The following PER2 variants were observed in gnomAD, a reference collection of about 807,000 sequenced individuals.
The protein encoded by PER2 is period circadian protein homolog 2.
Under a neutral mutation model 121.0 loss-of-function variants are expected in PER2, and 66 were observed. The observed-to-expected ratio is 0.55, with a 90% confidence interval of 0.45 to 0.67. The LOEUF (loss-of-function observed/expected upper bound fraction) is 0.67, where lower values mean the gene tolerates loss of function less well. Ranked by LOEUF, PER2 falls within the 30% of genes least tolerant of loss-of-function variation. The pLI, the probability that PER2 is intolerant of heterozygous loss-of-function variation, is 0.00. For missense variants in PER2, 1,521 were observed against 1,635.0 expected (o/e 0.93, Z 1.20); for synonymous variants, 684 against 659.9 (o/e 1.04, Z -0.56).
the PER2 span, chr2:238,295,266 T>TCTTCTTCTTCTCCTTCTTC: frequency 4.8e-5 from 7 of 145,242 alleles, no homozygotes; most frequent in African/African-American, 1.7e-4. Context: ...TCTCCTTCTT[T>TCTTCTTCTTCTCCTTCTTC]CTTCTTCTTC....
chr2:238,250,702 T>C lies in PER2; in HGVS notation c.3316A>G (p.Ile1106Val). The change falls in exon 21 of 23, where the codon ATT becomes GTT. Residue 1106 changes from isoleucine (I) to valine (V), a missense_variant. By Grantham distance (29) the Ile-to-Val change is conservative (BLOSUM62 3). Transcript: ENST00000254657. ...TSHTSKYFGS[I>V]DSSENNHKAK... ...TTGTGATTATTCTCTGAGGAGTCAA[T>C]GCTTCCAAAATATTTGCTGGTATGA... is the stretch of plus-strand genomic sequence containing the variant. 6.2e-7 allele frequency: 1 copy of C among 1,614,054 alleles called. No individual in the cohort carries two copies. Among genetic ancestry groups the C allele is most frequent in the Non-Finnish European group, 8.5e-7 (1 of 1,179,866 alleles).
At chr2:238,272,662 T>C (rs1461600767) in intron 5 of PER2, among the ~76,000 whole-genome samples, 1 of 152,222 alleles carries the variant, frequency 6.6e-6, no homozygotes, top group African/African-American at 2.4e-5. Flanking sequence ...CACCTTTGGG[T>C]GTGCTTAAGA....
chr2:238,290,242 C>G (rs1696925412), upstream of PER2: 1 of 152,284 alleles, frequency 6.6e-6, no homozygotes, highest in South Asian at 2.1e-4. Context: ...AGTCAGGTGG[C>G]CCCTCCTCCT....
At chr2:238,264,620 AT>A (rs933518403) in intron 9 of PER2, among the ~76,000 whole-genome samples, 3 of 151,848 alleles carry the variant, frequency 2.0e-5, no homozygotes, top group Admixed American at 6.6e-5. Context: ...TGGCCCACAC[AT>A]TTTTTTTCTT....
At chr2:238,259,340 C>T (rs565414500) in intron 14 of PER2, among the ~76,000 whole-genome samples, 1 of 152,344 alleles carries the variant, frequency 6.6e-6, no homozygotes, top group Admixed American at 6.5e-5. Flanking sequence ...GCACACGTGT[C>T]TGTGTGCATG....
rs759690834 is a variant in PER2, at chr2:238,258,616, C to A, written c.1656G>T (p.Lys552Asn). The A allele has an allele frequency of 3.1e-6, 5 of 1,613,998 alleles. No individual in the cohort carries two copies. The African/African-American group carries it at 6.7e-5, about 22-fold the overall frequency. Residue 552 changes from lysine (K) to asparagine (N), a missense_variant, in exon 15 of 23, where the codon AAG (lysine) becomes AAT (asparagine). Physicochemically the swap from Lys to Asn is moderately conservative, Grantham distance 94. Transcript: ENST00000254657. ...TEMQTNPPAE[K>N]KAVPAMEKDS... ...CCTTTTCCATGGCAGGGACAGCTTTCTTCTCAGCTGGGGGATTAGTTTGCA... is the reference window on the plus strand; with the variant it reads ...CCTTTTCCATGGCAGGGACAGCTTTATTCTCAGCTGGGGGATTAGTTTGCA...
chr2:238,271,466 G>A lies in PER2; in HGVS notation c.618C>T (p.Tyr206=). 1 of 1,614,046 alleles carries A rather than the reference G, an allele frequency of 6.2e-7. No homozygotes were observed. The highest frequency in any genetic ancestry group is 1.1e-5 in the South Asian group (1 of 91,080). ...AVSLVSGKIL[Y]ISDQVASIFH... ...ATATGGATGCAACCTGGTCAGAGATGTACAGGATCTTCCCAGACACCAGGG... is the reference window on the plus strand; with the variant it reads ...ATATGGATGCAACCTGGTCAGAGATATACAGGATCTTCCCAGACACCAGGG... The change falls in exon 6 of 23, where the codon TAC becomes TAT. Residue 206 remains tyrosine (Y), a synonymous_variant. Coordinates refer to ENST00000254657, the MANE Select transcript of PER2 (RefSeq NM_022817.3).
At chr2:238,293,708 C>T (rs1475059203), upstream of PER2, among the ~76,000 whole-genome samples, 9 of 147,248 alleles carry the variant, frequency 6.1e-5, no homozygotes, top group African/African-American at 2.3e-4. Flanking sequence ...GTACTTCAGC[C>T]TGGGTGACAC....
chr2:238,262,857 G>A (rs776828827), intron 10 of PER2, 95 bp downstream of exon 10: 1 of 843,680 alleles, frequency 1.2e-6, no homozygotes, highest in Non-Finnish European at 2.0e-6. Context: ...TAGCTGATCT[G>A]ACCTGTCAGA....
Position 238,260,882 on chromosome 2 carries a change from G to A in PER2, c.1488C>T (p.Ser496=). 1 of 1,613,916 alleles carries A rather than the reference G, an allele frequency of 6.2e-7. No homozygotes were observed. The highest frequency in any genetic ancestry group is 1.1e-5 in the South Asian group (1 of 91,090). ...CGTTGCTGTCGCTGGAGGAGGTCTG[G>A]CTCATAAGGTGCTCGTGGGACCCGT... ...GSNGSHEHLM[S]QTSSSDSNGH... is the part of the protein sequence containing the mutation. The change falls in exon 13 of 23, where the codon AGC becomes AGT. Residue 496 remains serine, a synonymous_variant. Transcript: ENST00000254657.
rs557745605 is a variant in PER2, at chr2:238,257,762, C to A, written c.1900+514G>T. ...GTGCTGGGATTACAGGCGTGAGCCACCGCGCCCAGCCGGGGTACCATTTCT... is the reference window on the plus strand; with the variant it reads ...GTGCTGGGATTACAGGCGTGAGCCAACGCGCCCAGCCGGGGTACCATTTCT... On this transcript the variant is annotated intron_variant, in intron 16 of 22. Coordinates refer to ENST00000254657, the MANE Select transcript of PER2 (RefSeq NM_022817.3). 5.3e-5 allele frequency among the ~76,000 whole-genome samples: 8 copies of A among 152,376 alleles called. No individual in the cohort carries two copies. In the South Asian group the frequency reaches 1.7e-3, roughly 32 times the overall value.
upstream of PER2, among the ~76,000 whole-genome samples, chr2:238,294,602 C>T (rs1019606328): frequency 1.3e-5 from 2 of 152,206 alleles, no homozygotes; most frequent in Non-Finnish European, 2.9e-5. Context: ...ATAGGACATG[C>T]GCCTGCATTC....
At position 238,252,703 on chromosome 2, in the gene PER2, CACG is replaced by C. The variant is rs1204858082; in HGVS notation, c.3111+206_3111+208del. 6.6e-6 allele frequency among the ~76,000 whole-genome samples: 1 copy of C among 152,196 alleles called. No homozygotes were observed. The highest frequency in any genetic ancestry group is 2.4e-5 in the African/African-American group (1 of 41,450). ...AATCTCTCCTCCTTCATTCAGATTC[CACG>C]ACAATAAAAGGCTTCGAATAATCTA... On this transcript the variant is annotated intron_variant, in intron 19 of 22. Coordinates refer to ENST00000254657, the MANE Select transcript of PER2 (RefSeq NM_022817.3). This position sits in a 1 kb window ranked among gnomAD's most constrained non-coding sequence, Gnocchi z 4.2.
Position 238,288,354 on chromosome 2 carries a change from G to C in PER2, c.-25C>G, listed in dbSNP as rs1696853015. 6.6e-6 allele frequency: 1 copy of C among 152,150 alleles called. No homozygotes were observed. Among genetic ancestry groups the C allele is most frequent in the Non-Finnish European group, 1.5e-5 (1 of 68,046 alleles). The allele number at this position is 152,150 out of a possible 1,614,324, so 9.4% of individuals were successfully genotyped here. ...CCCTACACACGCTGCCTCACCTTTCGGACCTCAGGCTCCTGAGCTGCGAAG... is the reference window on the plus strand; with the variant it reads ...CCCTACACACGCTGCCTCACCTTTCCGACCTCAGGCTCCTGAGCTGCGAAG... On this transcript the variant is annotated 5_prime_UTR_variant, in exon 1 of 23. Coordinates refer to ENST00000254657, the MANE Select transcript of PER2 (RefSeq NM_022817.3).
At chr2:238,290,450 C>G (rs1393472325), upstream of PER2, among the ~76,000 whole-genome samples, 1 of 152,212 alleles carries the variant, frequency 6.6e-6, no homozygotes, top group Non-Finnish European at 1.5e-5. Flanking sequence ...CTCATCCACA[C>G]CTTACCGAGA....
upstream of PER2, chr2:238,289,326 C>T (rs1195071797): frequency 6.6e-6 from 1 of 152,236 alleles, no homozygotes; most frequent in African/African-American, 2.4e-5. Context: ...TCGCGGGGCC[C>T]CGGAGCAGCC....
In PER2 at chr2:238,277,111, G is replaced by C. The variant is rs1259088872; in HGVS notation, c.293+20C>G. ...CAATTTCTCTAAAACCTCTATGTAT[G>C]AAGTTCTAATTGGCCTTACCTGCAG... On this transcript the variant is annotated intron_variant, in intron 3 of 22. Coordinates refer to ENST00000254657, the MANE Select transcript of PER2 (RefSeq NM_022817.3). 1 of 1,556,100 alleles carries C rather than the reference G, an allele frequency of 6.4e-7. No homozygotes were observed. Among genetic ancestry groups the C allele is most frequent in the South Asian group, 1.1e-5 (1 of 89,902 alleles).
upstream of PER2, among the ~76,000 whole-genome samples, chr2:238,291,425 C>T (rs1017700809): frequency 7.2e-5 from 11 of 152,264 alleles, no homozygotes; most frequent in Non-Finnish European, 1.5e-4. Context: ...TACTGAGCAA[C>T]TACTATGTAC....
In PER2 at chr2:238,260,070, A is replaced by G. The variant is rs1202819010; in HGVS notation, c.1543-17T>C. On this transcript the variant is annotated splice_polypyrimidine_tract_variant and intron_variant, in intron 13 of 22. Coordinates refer to ENST00000254657, the MANE Select transcript of PER2 (RefSeq NM_022817.3). Reference sequence around the variant, plus strand: ...ACAAATTTCCTTGAAGAAAAACAAAATGAACACATTATTCATTCTAGGAGA... The same window carrying G: ...ACAAATTTCCTTGAAGAAAAACAAAGTGAACACATTATTCATTCTAGGAGA... 1 of 1,125,488 alleles carries G rather than the reference A, an allele frequency of 8.9e-7. No individual in the cohort carries two copies. The highest frequency in any genetic ancestry group is 1.3e-6 in the Non-Finnish European group (1 of 746,568). The allele number at this position is 1,125,488 out of a possible 1,614,324, so 69.7% of individuals were successfully genotyped here.
Sources: gnomAD v4.1 joint callset for allele counts (sites outside exome capture counted in the v4.1 genomes callset) on GRCh38, gnomAD v4.1.1 for gene constraint, Gnocchi (gnomAD v3.1) non-coding constraint, MANE v1.5 for transcripts, NCBI Gene and HGNC (gene_info 2026-07-23, HGNC 2026-07-21) for gene names.